MAST4: variants seen among roughly 807,000 people sequenced by gnomAD.
The protein encoded by MAST4 is microtubule-associated serine/threonine-protein kinase 4.
MAST4 carries 89 observed loss-of-function variants against 162.7 expected under a neutral mutation model. That is an observed-to-expected ratio of 0.55 (90% CI 0.46 to 0.65). The LOEUF is 0.65. MAST4 is among the 30% of genes least tolerant of loss of function. The pLI is 0.00. For missense variants in MAST4, 3,153 were observed against 3,374.0 expected, an observed-to-expected ratio of 0.93 and a Z score of 1.62; for synonymous variants, 1,479 against 1,361.1, an observed-to-expected ratio of 1.09 and a Z score of -1.91.
Position 66,719,603 on chromosome 5 carries a change from C to T in MAST4, c.364-40106C>T, listed in dbSNP as rs918003827. Among the ~76,000 whole-genome samples, 6 of 152,014 alleles carry T rather than the reference C, an allele frequency of 3.9e-5. No individual in the cohort carries two copies. In the South Asian group the frequency reaches 1.2e-3, roughly 32 times the overall value. On this transcript the variant is annotated intron_variant, in intron 1 of 28. Coordinates refer to ENST00000403625, the MANE Select transcript of MAST4 (RefSeq NM_001164664.2). ...GATACATGTGCTGAACGTGCAGGTTCGTTACATAGGTATACAAGTGCCATG... is the reference window on the plus strand; with the variant it reads ...GATACATGTGCTGAACGTGCAGGTTTGTTACATAGGTATACAAGTGCCATG...
rs190351941 is a variant in MAST4, at chr5:66,897,507, T to C, written c.643-2444T>C. Among the ~76,000 whole-genome samples the C allele has an allele frequency of 9.3e-4, 141 of 152,348 alleles. 1 individual carries two copies. The highest frequency in any genetic ancestry group is 3.3e-3 in the African/African-American group (137 of 41,584). ...TAGCCCTCCTGGTATTTGCAGACTT[T>C]TGCAGCTATTGTTCACAAGGTCTTG... On this transcript the variant is annotated intron_variant, in intron 3 of 28. Coordinates refer to ENST00000403625, the MANE Select transcript of MAST4 (RefSeq NM_001164664.2).
chr5:67,158,092 C>T (rs1772754900), intron 26 of MAST4, among the ~76,000 whole-genome samples: 1 of 152,032 alleles, frequency 6.6e-6, no homozygotes, highest in Admixed American at 6.5e-5. Flanking sequence ...GCTTGTTGCC[C>T]CTTTCCTTCA....
chr5:66,986,916 G>T (rs1025358547), intron 4 of MAST4, among the ~76,000 whole-genome samples: 1 of 152,000 alleles, frequency 6.6e-6, no homozygotes, highest in Admixed American at 6.6e-5. Context: ...CCAGCTAAAC[G>T]TGTCTATATT....
chr5:67,028,070 A>C lies in MAST4; in HGVS notation c.675-26334A>C, dbSNP rs1717184226. Among the ~76,000 whole-genome samples, 2 of 152,106 alleles carry C rather than the reference A, an allele frequency of 1.3e-5. 1 individual carries two copies. The highest frequency in any genetic ancestry group is 4.1e-4 in the South Asian group (2 of 4,820). On this transcript the variant is annotated intron_variant, in intron 4 of 28. Transcript: ENST00000403625. ...TAGAGACAGGAAAACACAAAGAAGT[A>C]ACAGAATTTACAGTATCATGTGTGA...
intron 4 of MAST4, among the ~76,000 whole-genome samples, chr5:66,900,584 T>A (rs1468211189): frequency 2.6e-5 from 4 of 152,094 alleles, no homozygotes; most frequent in African/African-American, 9.7e-5. Flanking sequence ...CAGAATAAAA[T>A]TGAGGACAGA....
chr5:66,616,230 G>A (rs550716016), intron 1 of MAST4, among the ~76,000 whole-genome samples: 1 of 152,280 alleles, frequency 6.6e-6, no homozygotes, highest in East Asian at 1.9e-4. Flanking sequence ...TGGATCACAG[G>A]CAGGTGTGGT....
intron 4 of MAST4, among the ~76,000 whole-genome samples, chr5:66,930,049 A>T (rs917321395): frequency 1.3e-5 from 2 of 152,206 alleles, no homozygotes; most frequent in African/African-American, 4.8e-5. Flanking sequence ...TATGTTCAGA[A>T]ATAAAGGCCA....
chr5:67,102,253 A>G (rs1452947268), intron 8 of MAST4, among the ~76,000 whole-genome samples: 1 of 152,168 alleles, frequency 6.6e-6, no homozygotes, highest in Non-Finnish European at 1.5e-5. Flanking sequence ...TATAATTTCA[A>G]TTTACAAACA....
intron 5 of MAST4, among the ~76,000 whole-genome samples, chr5:67,064,642 G>T (rs1346232526): frequency 1.3e-5 from 2 of 152,186 alleles, no homozygotes; most frequent in Admixed American, 1.3e-4. Flanking sequence ...GCTGAATGGA[G>T]GCTGTTGCCT....
intron 4 of MAST4, among the ~76,000 whole-genome samples, chr5:67,050,848 CT>C (rs1160473392): frequency 1.9e-4 from 29 of 152,136 alleles, no homozygotes; most frequent in African/African-American, 6.5e-4. Context: ...AACTGGAGAA[CT>C]GATAGAGGGT....
At chr5:66,763,960 C>T (rs868250794) in intron 2 of MAST4, among the ~76,000 whole-genome samples, 10 of 152,242 alleles carry the variant, frequency 6.6e-5, no homozygotes, top group Middle Eastern at 3.4e-3. Context: ...AGTAGGCTTC[C>T]TTTAAAAATG....
At chr5:66,731,273 C>T (rs188485126) in intron 1 of MAST4, among the ~76,000 whole-genome samples, 1 of 152,298 alleles carries the variant, frequency 6.6e-6, no homozygotes, top group African/African-American at 2.4e-5. Flanking sequence ...CATCTGTTAT[C>T]TGCAGAGACA....
At chr5:67,027,648 A>G (rs1413711738) in intron 4 of MAST4, among the ~76,000 whole-genome samples, 1 of 152,344 alleles carries the variant, frequency 6.6e-6, no homozygotes, top group East Asian at 1.9e-4. Flanking sequence ...CCTTTTCACC[A>G]TAAGGGTTTT....
At chr5:67,114,466 G>A (rs1766642367) in intron 12 of MAST4, 3 of 419,070 alleles carry the variant, frequency 7.2e-6, no homozygotes, top group South Asian at 3.0e-5. Flanking sequence ...AAGCATGTCA[G>A]CCTGAGAATG....
intron 4 of MAST4, among the ~76,000 whole-genome samples, chr5:67,045,129 T>A (rs904425737): frequency 2.0e-5 from 3 of 152,266 alleles, no homozygotes; most frequent in South Asian, 2.1e-4. Context: ...ATTTAGCCAG[T>A]CATTCAAAAG....
chr5:66,857,184 T>C (rs1260258225), intron 3 of MAST4, among the ~76,000 whole-genome samples: 8 of 152,206 alleles, frequency 5.3e-5, no homozygotes, highest in Non-Finnish European at 8.8e-5. Context: ...TTTTCCCCAC[T>C]CAGAATAGAT....
intron 1 of MAST4, among the ~76,000 whole-genome samples, chr5:66,687,592 AC>A (rs1748759437): frequency 6.7e-6 from 1 of 148,360 alleles, no homozygotes. Context: ...GTATATATAT[AC>A]ATACATATAT....
chr5:66,749,096 A>G (rs1394980025), intron 1 of MAST4, among the ~76,000 whole-genome samples: 2 of 152,132 alleles, frequency 1.3e-5, no homozygotes, highest in Non-Finnish European at 2.9e-5. Context: ...AGGTTGTAGC[A>G]GACATCAGGC....
Position 66,974,456 on chromosome 5 carries a change from T to C in MAST4, c.674+74474T>C, listed in dbSNP as rs539204456. Reference sequence around the variant, plus strand: ...AGACTGACTGCAAGGGGTTTACAGATGTTTGTCTGGAGTTCGTTGCAATTT... The same window carrying C: ...AGACTGACTGCAAGGGGTTTACAGACGTTTGTCTGGAGTTCGTTGCAATTT... On this transcript the variant is annotated intron_variant, in intron 4 of 28. Coordinates refer to ENST00000403625, the MANE Select transcript of MAST4 (RefSeq NM_001164664.2). 2.0e-5 allele frequency among the ~76,000 whole-genome samples: 3 copies of C among 152,346 alleles called. No homozygotes were observed. In the South Asian group the frequency reaches 6.2e-4, roughly 32 times the overall value.
Sources: allele counts gnomAD v4.1 joint callset (sites outside exome capture counted in the v4.1 genomes callset), GRCh38; gene constraint gnomAD v4.1.1; transcripts MANE v1.5; gene names NCBI Gene and HGNC (gene_info 2026-07-23, HGNC 2026-07-21).